The following ERBB4 variants were observed in gnomAD, a reference collection of about 807,000 sequenced individuals.
The protein encoded by ERBB4 is receptor tyrosine-protein kinase erbB-4.
Under a neutral mutation model 158.0 loss-of-function variants are expected in ERBB4, and 42 were observed. The observed-to-expected ratio is 0.27, with a 90% CI of 0.21 to 0.34. ERBB4 has a LOEUF of 0.34. Ranked by LOEUF, ERBB4 falls within the 10% of genes least tolerant of loss-of-function variation. ERBB4 has a pLI of 1.00. For missense variants in ERBB4, 1,333 were observed against 1,624.1 expected (o/e 0.82, Z 3.08); for synonymous variants, 583 against 558.7 (o/e 1.04, Z -0.61).
chr2:211,565,291 A>G (rs1574761961), intron 19 of ERBB4, among the ~76,000 whole-genome samples: 1 of 131,192 alleles, frequency 7.6e-6, no homozygotes, highest in African/African-American at 3.8e-5. Flanking sequence ...TAGCTGTGGG[A>G]AGATGGGACA....
At chr2:212,008,510 G>A (rs916542482) in intron 2 of ERBB4, among the ~76,000 whole-genome samples, 4 of 151,994 alleles carry the variant, frequency 2.6e-5, no homozygotes, top group Admixed American at 2.0e-4. Context: ...ATAAATGAAT[G>A]AACAAATACA....
chr2:212,391,734 A>T lies in ERBB4; in HGVS notation c.82+146715T>A, dbSNP rs955770287. ...TATTGACATATATATTATATATATG[A>T]CATATATATTATATATAATATTGAC... On this transcript the variant is annotated intron_variant, in intron 1 of 27. Coordinates refer to ENST00000342788, the MANE Select transcript of ERBB4 (RefSeq NM_005235.3). Among the ~76,000 whole-genome samples, 8 of 136,010 alleles carry T rather than the reference A, an allele frequency of 5.9e-5. No individual in the cohort carries two copies. The East Asian group carries it at 5.9e-4, about 10-fold the overall frequency. The allele number at this position is 136,010 out of a possible 152,430, so 89.2% of individuals were successfully genotyped here.
At chr2:212,120,096 G>C (rs951866452) in intron 2 of ERBB4, among the ~76,000 whole-genome samples, 1 of 152,232 alleles carries the variant, frequency 6.6e-6, no homozygotes, top group Admixed American at 6.5e-5. Flanking sequence ...AGTAGTGTAG[G>C]AAACAGAAAT....
intron 1 of ERBB4, among the ~76,000 whole-genome samples, chr2:212,447,211 A>G (rs1295493767): frequency 6.6e-6 from 1 of 151,872 alleles, no homozygotes; most frequent in Admixed American, 6.6e-5. Context: ...GTTAGCCAGG[A>G]TGGTATCGAT....
intron 1 of ERBB4, among the ~76,000 whole-genome samples, chr2:212,242,529 G>C (rs2084147613): frequency 6.6e-6 from 1 of 152,026 alleles, no homozygotes; most frequent in Non-Finnish European, 1.5e-5. Context: ...GATCTTATTG[G>C]TAGAAATTTC....
chr2:212,003,491 A>G (rs1255998050), intron 2 of ERBB4, among the ~76,000 whole-genome samples: 1 of 152,104 alleles, frequency 6.6e-6, no homozygotes, highest in Non-Finnish European at 1.5e-5. Context: ...GGAACCTAAC[A>G]GCCAATTCGT....
At chr2:212,390,958 A>G (rs920538975) in intron 1 of ERBB4, among the ~76,000 whole-genome samples, 11 of 151,880 alleles carry the variant, frequency 7.2e-5, no homozygotes, top group African/African-American at 2.7e-4. Flanking sequence ...AAAAATGCAC[A>G]ATTCCTTTCA....
intron 16 of ERBB4, among the ~76,000 whole-genome samples, chr2:211,650,538 C>T (rs933280100): frequency 1.4e-4 from 21 of 152,182 alleles, no homozygotes; most frequent in Non-Finnish European, 2.4e-4. Context: ...TCTAACTCAT[C>T]CCATCTGTAA....
At chr2:211,548,758 G>T (rs1320468899) in intron 20 of ERBB4, among the ~76,000 whole-genome samples, 1 of 152,030 alleles carries the variant, frequency 6.6e-6, no homozygotes, top group East Asian at 1.9e-4. Flanking sequence ...TTTCTGTGAG[G>T]ATCTAGAGAA....
chr2:211,890,774 GACTT>G (rs2078943710), intron 3 of ERBB4, among the ~76,000 whole-genome samples: 1 of 124,152 alleles, frequency 8.1e-6, no homozygotes, highest in Non-Finnish European at 1.7e-5. Flanking sequence ...TGATAAAACA[GACTT>G]TAAACCAACA....
At chr2:211,924,120 C>G (rs1441537610) in intron 3 of ERBB4, among the ~76,000 whole-genome samples, 1 of 152,168 alleles carries the variant, frequency 6.6e-6, no homozygotes, top group African/African-American at 2.4e-5. Flanking sequence ...TATGCCATGA[C>G]TCATAATAGG....
chr2:211,505,828 T>C (rs887755715), intron 20 of ERBB4, among the ~76,000 whole-genome samples: 9 of 151,808 alleles, frequency 5.9e-5, no homozygotes, highest in Admixed American at 5.9e-4. Context: ...GGCGTGGTAG[T>C]GGGTGCCTAT....
rs534574894 is a variant in ERBB4 at position 211,922,917 on chromosome 2, T to C, written c.421+24513A>G. ...TCTGGGAATGAAAGAGTGTTTAGTA[T>C]ATTCTGGGAATGAAAAGATTTGTGA... On this transcript the variant is annotated intron_variant, in intron 3 of 27. Transcript: ENST00000342788. Among the ~76,000 whole-genome samples the C allele has an allele frequency of 2.6e-5, 4 of 152,284 alleles. No individual in the cohort carries two copies. The East Asian group carries it at 7.7e-4, about 29-fold the overall frequency.
chr2:212,482,034 T>A (rs1184398731), intron 1 of ERBB4, among the ~76,000 whole-genome samples: 1 of 152,140 alleles, frequency 6.6e-6, no homozygotes, highest in Non-Finnish European at 1.5e-5. Context: ...ACATCCCACT[T>A]CTCTATAAAC....
At chr2:212,307,884 A>C (rs2086871572) in intron 1 of ERBB4, among the ~76,000 whole-genome samples, 1 of 151,016 alleles carries the variant, frequency 6.6e-6, no homozygotes, top group African/African-American at 2.4e-5. Context: ...AGGAGCAGCC[A>C]AAGGTAGACT....
At chr2:212,397,937 T>A (rs2091078290) in intron 1 of ERBB4, among the ~76,000 whole-genome samples, 2 of 152,048 alleles carry the variant, frequency 1.3e-5, no homozygotes, top group South Asian at 4.1e-4. Context: ...TTGCCAAAAT[T>A]AGGAATATGA....
At chr2:211,654,619 C>G (rs1053257995) in intron 16 of ERBB4, among the ~76,000 whole-genome samples, 4 of 152,120 alleles carry the variant, frequency 2.6e-5, no homozygotes, top group African/African-American at 7.2e-5. Context: ...GTAAGTACCA[C>G]CAATAAACAT....
intron 1 of ERBB4, among the ~76,000 whole-genome samples, chr2:212,242,055 T>C (rs556478779): frequency 1.3e-5 from 2 of 152,114 alleles, no homozygotes; most frequent in South Asian, 4.1e-4. Context: ...GATTAAAATA[T>C]GAATAATCAT....
chr2:211,665,451 A>G lies in ERBB4; in HGVS notation c.1743T>C (p.Ser581=), dbSNP rs763692172. 1.2e-6 allele frequency: 2 copies of G among 1,614,012 alleles called. No homozygotes were observed. The highest frequency in any genetic ancestry group is 2.7e-5 in the African/African-American group (2 of 74,924). ...GPGPDNCTKC[S]HFKDGPNCVE... ...CACAGTTTGGGCCATCTTTAAAATGAGAGCACTTTGTACAGTTGTCAGGAC... is the reference window on the plus strand; with the variant it reads ...CACAGTTTGGGCCATCTTTAAAATGGGAGCACTTTGTACAGTTGTCAGGAC... Residue 581 remains serine (S), a synonymous_variant, in exon 15 of 28, where the codon TCT becomes TCC. Transcript: ENST00000342788.
Sources: gnomAD v4.1 joint callset for allele counts (sites outside exome capture counted in the v4.1 genomes callset) on GRCh38, gnomAD v4.1.1 for gene constraint, MANE v1.5 for transcripts, NCBI Gene and HGNC (gene_info 2026-07-23, HGNC 2026-07-21) for gene names.